Variants in PRRX1 observed in about 807,000 individuals in gnomAD.
PRRX1 encodes paired mesoderm homeobox protein 1.
Under a neutral mutation model 24.0 loss-of-function variants are expected in PRRX1, and 8 were observed. That is an observed-to-expected ratio of 0.33 (90% CI 0.20 to 0.60). PRRX1 has a LOEUF of 0.60. Ranked by LOEUF, PRRX1 falls within the 20% of genes least tolerant of loss-of-function variation. The probability of loss-of-function intolerance (pLI) is 0.82; values close to 1 mark genes in which losing one functional copy is unlikely to be tolerated. For synonymous variants in PRRX1, 160 were observed against 131.7 expected (o/e 1.22, Z -1.47); for missense variants, 281 against 322.4 (o/e 0.87, Z 0.98).
At chr1:170,678,526 T>C (rs1238200362) in intron 1 of PRRX1, among the ~76,000 whole-genome samples, 1 of 152,224 alleles carries the variant, frequency 6.6e-6, no homozygotes, top group Non-Finnish European at 1.5e-5. Flanking sequence ...AGGCGAAGAT[T>C]AGGAGCACAG....
Position 170,739,182 on chromosome 1 carries a change from T to G in PRRX1, c.*2996T>G, listed in dbSNP as rs1655715936. The G allele has an allele frequency of 9.7e-6, 2 of 206,630 alleles. No individual in the cohort carries two copies. The highest frequency in any genetic ancestry group is 2.0e-5 in the Non-Finnish European group (2 of 100,944). 12.8% of individuals were successfully genotyped at this position (206,630 alleles called of 1,614,324 possible). ...ACATAGGAACTATCTGCCTGTGTCC[T>G]CAATCTCCCTTCAAACAAGATGCTG... is the stretch of plus-strand genomic sequence containing the variant. On this transcript the variant is annotated 3_prime_UTR_variant, in exon 4 of 4. Transcript: ENST00000239461.
chr1:170,667,136 T>C (rs1013352789), intron 1 of PRRX1, among the ~76,000 whole-genome samples: 44 of 151,986 alleles, frequency 2.9e-4, no homozygotes, highest in African/African-American at 1.0e-3. Context: ...AGAGGCCTTG[T>C]GGGGAGAAGA....
In PRRX1 at chr1:170,736,239, C is replaced by G; in HGVS notation, c.*53C>G. On this transcript the variant is annotated 3_prime_UTR_variant, in exon 4 of 4. Coordinates refer to ENST00000239461, the MANE Select transcript of PRRX1 (RefSeq NM_022716.4). ...GAAGAAATCAAAAACCATAAGACACCTATCCTGCTCTGTTATTTCTTCATC... is the reference window on the plus strand; with the variant it reads ...GAAGAAATCAAAAACCATAAGACACGTATCCTGCTCTGTTATTTCTTCATC... 6.2e-7 allele frequency: 1 copy of G among 1,600,346 alleles called. No individual in the cohort carries two copies. The highest frequency in any genetic ancestry group is 8.6e-7 in the Non-Finnish European group (1 of 1,168,426).
chr1:170,682,811 G>A (rs1233731481), intron 1 of PRRX1, among the ~76,000 whole-genome samples: 1 of 152,194 alleles, frequency 6.6e-6, no homozygotes, highest in Non-Finnish European at 1.5e-5. Flanking sequence ...TGATTAGTAA[G>A]TTTTATGAAA....
At chr1:170,681,817 CT>C (rs1272458279) in intron 1 of PRRX1, among the ~76,000 whole-genome samples, 3 of 152,202 alleles carry the variant, frequency 2.0e-5, no homozygotes, top group Non-Finnish European at 4.4e-5. Flanking sequence ...TGGAACCAAG[CT>C]CCTAATTTGC....
At chr1:170,733,535 C>T (rs1248798248) in intron 3 of PRRX1, among the ~76,000 whole-genome samples, 2 of 152,106 alleles carry the variant, frequency 1.3e-5, no homozygotes, top group Non-Finnish European at 2.9e-5. Flanking sequence ...TAAGTTTTAG[C>T]TTTCTGTTTT....
At chr1:170,712,798 T>C (rs1229450165) in intron 1 of PRRX1, among the ~76,000 whole-genome samples, 1 of 152,130 alleles carries the variant, frequency 6.6e-6, no homozygotes, top group Non-Finnish European at 1.5e-5. Context: ...AGAACAAAGG[T>C]TGTTCTTATT....
intron 1 of PRRX1, among the ~76,000 whole-genome samples, chr1:170,674,188 T>C (rs1653231969): frequency 1.3e-5 from 2 of 152,158 alleles, no homozygotes; most frequent in Admixed American, 1.3e-4. Flanking sequence ...GATACCTCTC[T>C]CTCTCTCTCT....
intron 1 of PRRX1, among the ~76,000 whole-genome samples, chr1:170,667,106 C>T (rs1306777561): frequency 6.6e-6 from 1 of 152,090 alleles, no homozygotes; most frequent in East Asian, 1.9e-4. Context: ...TCGGGCTCAT[C>T]TCAGAGTTAC....
chr1:170,664,356 G>T lies in PRRX1; in HGVS notation c.138G>T (p.Gly46=), dbSNP rs1366107031. 1 of 1,613,994 alleles carries T rather than the reference G, an allele frequency of 6.2e-7. No individual in the cohort carries two copies. The highest frequency in any genetic ancestry group is 8.5e-7 in the Non-Finnish European group (1 of 1,179,950). Residue 46 remains glycine (G), a synonymous_variant, in exon 1 of 4, where the codon GGG becomes GGT. Coordinates refer to ENST00000239461, the MANE Select transcript of PRRX1 (RefSeq NM_022716.4). Reference sequence around the variant, plus strand: ...ACCTGCTAGACCTGGAGGAAGCCGGGGACATGGTGGCGGCACAGGCGGATG... The same window carrying T: ...ACCTGCTAGACCTGGAGGAAGCCGGTGACATGGTGGCGGCACAGGCGGATG... The part of the protein sequence containing the change: ...VSHLLDLEEA[G]DMVAAQADEN...
chr1:170,675,354 T>C (rs1653283871), intron 1 of PRRX1, among the ~76,000 whole-genome samples: 1 of 152,190 alleles, frequency 6.6e-6, no homozygotes, highest in African/African-American at 2.4e-5. Context: ...AATCAATTTT[T>C]ACATGATTTG....
Position 170,726,117 on chromosome 1 carries a change from G to C in PRRX1, c.418-103G>C. The stretch of plus-strand genomic sequence containing the variant: ...AGCCATCTTATATCTTCTTTGGGAA[G>C]GCATTATATAGTAAAATCAAGCAGA... On this transcript the variant is annotated intron_variant, in intron 2 of 3. Coordinates refer to ENST00000239461, the MANE Select transcript of PRRX1 (RefSeq NM_022716.4). 7.2e-6 allele frequency: 8 copies of C among 1,115,754 alleles called. 1 individual carries two copies. In the South Asian group the frequency reaches 1.1e-4, roughly 15 times the overall value. 69.1% of individuals were successfully genotyped at this position (1,115,754 alleles called of 1,614,324 possible). A position where few individuals can be genotyped will look rare whatever the true frequency, so the allele number is the denominator to read the frequency against.
rs1297444584 is a variant in PRRX1, at chr1:170,736,103, A to G, written c.655A>G (p.Asn219Asp). Residue 219 changes from asparagine (N) to aspartate (D), a missense_variant, in exon 4 of 4, where the codon AAC becomes GAC. Coordinates refer to ENST00000239461, the MANE Select transcript of PRRX1 (RefSeq NM_022716.4). ...CAACAATAGCCCTGCACAGGGCATC[A>G]ACATGGCCAACAGCATTGCCAACCT... ...CANNSPAQGINMANSIANLRL... is the reference protein window; with the variant it reads ...CANNSPAQGIDMANSIANLRL... 6.2e-7 allele frequency: 1 copy of G among 1,614,180 alleles called. No individual in the cohort carries two copies.
At chr1:170,696,201 G>A (rs554649971) in intron 1 of PRRX1, among the ~76,000 whole-genome samples, 1 of 151,648 alleles carries the variant, frequency 6.6e-6, no homozygotes, top group Admixed American at 6.5e-5. Flanking sequence ...AGCCAGGCAT[G>A]CTTGTCTAGG....
At chr1:170,669,181 T>A (rs1558042233) in intron 1 of PRRX1, 4 of 152,054 alleles carry the variant, frequency 2.6e-5, no homozygotes, top group African/African-American at 9.7e-5. Flanking sequence ...ATGCAGTGAA[T>A]ACCCACCCCC....
At chr1:170,694,474 A>G (rs1195563708) in intron 1 of PRRX1, among the ~76,000 whole-genome samples, 1 of 152,166 alleles carries the variant, frequency 6.6e-6, no homozygotes, top group Non-Finnish European at 1.5e-5. Flanking sequence ...TGCAAAATTT[A>G]TATTTCCATC....
At chr1:170,726,147 C>A in intron 2 of PRRX1, 73 bp from the exon 3 acceptor site, 1 of 1,426,718 alleles carries the variant, frequency 7.0e-7, no homozygotes, top group East Asian at 2.3e-5. Context: ...AGCAGAATTT[C>A]ATTCATGTAA....
intron 1 of PRRX1, among the ~76,000 whole-genome samples, chr1:170,700,759 G>A (rs1247677366): frequency 2.0e-5 from 3 of 152,136 alleles, no homozygotes; most frequent in Non-Finnish European, 2.9e-5. Context: ...CTGAAAACCC[G>A]TTACTGACTG....
chr1:170,687,472 C>T (rs1653783700), intron 1 of PRRX1, among the ~76,000 whole-genome samples: 1 of 152,198 alleles, frequency 6.6e-6, no homozygotes, highest in Non-Finnish European at 1.5e-5. Context: ...GACAGAGCAG[C>T]AGGACACAAG....
Sources: allele counts gnomAD v4.1 joint callset (sites outside exome capture counted in the v4.1 genomes callset), GRCh38; gene constraint gnomAD v4.1.1; transcripts MANE v1.5; gene names NCBI Gene and HGNC (gene_info 2026-07-23, HGNC 2026-07-21).